The following QTMAN variants were observed in gnomAD, a reference collection of about 807,000 sequenced individuals.
The protein encoded by QTMAN is tRNA-queuosine alpha-mannosyltransferase.
chr2:144,020,076 A>C, the QTMAN span, among the ~76,000 whole-genome samples: 57 of 152,360 alleles, frequency 3.7e-4, no homozygotes, highest in East Asian at 9.1e-3. Flanking sequence ...AACATGAAAT[A>C]AACAAGACAA....
the QTMAN span, among the ~76,000 whole-genome samples, chr2:144,272,695 A>C: frequency 6.6e-6 from 1 of 152,114 alleles, no homozygotes; most frequent in Non-Finnish European, 1.5e-5. Context: ...GATTGAGGCA[A>C]ATGGAAATCT....
At chr2:144,206,733 C>T in the QTMAN span, among the ~76,000 whole-genome samples, 1 of 152,162 alleles carries the variant, frequency 6.6e-6, no homozygotes, top group Non-Finnish European at 1.5e-5. Context: ...CCCTCAAATG[C>T]TTCAGGCTTC....
the QTMAN span, among the ~76,000 whole-genome samples, chr2:144,170,455 T>G: frequency 6.6e-6 from 1 of 152,136 alleles, no homozygotes; most frequent in African/African-American, 2.4e-5. Context: ...CCCAGATGGA[T>G]GATGCAAAGG....
At chr2:143,940,767 G>A in the QTMAN span, 4 of 152,354 alleles carry the variant, frequency 2.6e-5, no homozygotes, top group African/African-American at 9.6e-5. Context: ...CTGCCTTTCT[G>A]ATGAAGGGTC....
At chr2:144,293,984 A>G in the QTMAN span, among the ~76,000 whole-genome samples, 1 of 152,184 alleles carries the variant, frequency 6.6e-6, no homozygotes, top group East Asian at 1.9e-4. Flanking sequence ...TTACATGCCA[A>G]TGGAGAATTT....
the QTMAN span, among the ~76,000 whole-genome samples, chr2:144,174,092 C>T: frequency 2.0e-5 from 3 of 152,210 alleles, no homozygotes; most frequent in South Asian, 6.2e-4. Flanking sequence ...AATAGCAACA[C>T]TAACAAAGAT....
At chr2:144,168,047 T>C in the QTMAN span, among the ~76,000 whole-genome samples, 2 of 152,186 alleles carry the variant, frequency 1.3e-5, no homozygotes, top group Non-Finnish European at 2.9e-5. Context: ...CTGCTATGAT[T>C]AATGCCAAAT....
chr2:144,278,111 G>T, the QTMAN span, among the ~76,000 whole-genome samples: 3 of 152,134 alleles, frequency 2.0e-5, no homozygotes, highest in Admixed American at 6.6e-5. Flanking sequence ...TTCCAAATTT[G>T]AGCAGAGCAT....
the QTMAN span, among the ~76,000 whole-genome samples, chr2:144,154,196 T>C: frequency 6.6e-6 from 1 of 152,210 alleles, no homozygotes; most frequent in East Asian, 1.9e-4. Context: ...ATCACATATT[T>C]ACTGAGTGGC....
At chr2:144,023,710 G>A in the QTMAN span, among the ~76,000 whole-genome samples, 1 of 152,134 alleles carries the variant, frequency 6.6e-6, no homozygotes, top group South Asian at 2.1e-4. Context: ...TAATATTATT[G>A]TGGGTCATAG....
At chr2:144,240,845 C>CA in the QTMAN span, among the ~76,000 whole-genome samples, 1 of 152,194 alleles carries the variant, frequency 6.6e-6, no homozygotes, top group Admixed American at 6.5e-5. Flanking sequence ...ACTGAGCACC[C>CA]AGGAGGGTGC....
chr2:144,154,642 T>C, the QTMAN span, among the ~76,000 whole-genome samples: 5 of 152,224 alleles, frequency 3.3e-5, no homozygotes, highest in Non-Finnish European at 7.3e-5. Flanking sequence ...ACCAAATATG[T>C]TTGTTAAAAA....
At chr2:144,222,264 T>C in the QTMAN span, among the ~76,000 whole-genome samples, 6 of 151,216 alleles carry the variant, frequency 4.0e-5, no homozygotes, top group Non-Finnish European at 8.8e-5. Context: ...TTTCACCACG[T>C]CAGCCAGGAT....
chr2:144,156,245 G>T, the QTMAN span, among the ~76,000 whole-genome samples: 6 of 152,036 alleles, frequency 3.9e-5, no homozygotes, highest in East Asian at 1.9e-4. Flanking sequence ...CCTTAAATTT[G>T]GTGCTTAATA....
the QTMAN span, among the ~76,000 whole-genome samples, chr2:144,284,933 CT>C: frequency 0.097 from 12,480 of 128,360 alleles, 817 homozygotes; most frequent in African/African-American, 0.19. Context: ...GGAGGCCAAA[CT>C]TTTTTTTTTT....
the QTMAN span, among the ~76,000 whole-genome samples, chr2:144,035,166 T>C: frequency 6.6e-6 from 1 of 152,166 alleles, no homozygotes; most frequent in African/African-American, 2.4e-5. Context: ...TAAAAGTGTG[T>C]GTCGTCTCCC....
chr2:143,988,179 A>G, the QTMAN span, among the ~76,000 whole-genome samples: 1 of 152,310 alleles, frequency 6.6e-6, no homozygotes, highest in Admixed American at 6.5e-5. Flanking sequence ...GAAACAGGAG[A>G]GGAACCACAT....
chr2:144,171,720 A>G, the QTMAN span, among the ~76,000 whole-genome samples: 5 of 152,298 alleles, frequency 3.3e-5, no homozygotes, highest in Middle Eastern at 3.4e-3. Flanking sequence ...CCCTAGAGCA[A>G]TAACGGAATT....
At chr2:144,198,999 C>G in the QTMAN span, among the ~76,000 whole-genome samples, 1 of 151,344 alleles carries the variant, frequency 6.6e-6, no homozygotes, top group South Asian at 2.1e-4. Flanking sequence ...CCCCTTAGAT[C>G]TATGTCAGAA....
Sources: gnomAD v4.1 joint callset for allele counts (sites outside exome capture counted in the v4.1 genomes callset) on GRCh38, gnomAD v4.1.1 for gene constraint, MANE v1.5 for transcripts, NCBI Gene and HGNC (gene_info 2026-07-23, HGNC 2026-07-21) for gene names.